TPCN2: variants seen among roughly 807,000 people sequenced by gnomAD.
TPCN2 encodes the protein two pore segment channel 2.
TPCN2 carries 92 observed loss-of-function variants against 111.4 expected under a neutral mutation model. That is an observed-to-expected ratio of 0.83 (90% CI 0.70 to 0.98). The LOEUF is 0.98. Among genes scored for constraint, TPCN2 ranks in the 50% least tolerant of loss-of-function variants. The pLI is 0.00. For synonymous variants in TPCN2, 405 were observed against 414.5 expected, an observed-to-expected ratio of 0.98 and a Z score of 0.28; for missense variants, 995 against 980.1, an observed-to-expected ratio of 1.02 and a Z score of -0.20.
Position 69,078,756 on chromosome 11 carries a change from A to T in TPCN2, c.1373A>T (p.Asp458Val), listed in dbSNP as rs746973156. ...SICVFLVLDA[D>V]VLPAERDDFI... ...CAGGTGTTCCTGGTGCTGGATGCAG[A>T]TGTGCTGCCTGCTGAGCGTGATGAC... is the stretch of plus-strand genomic sequence containing the variant. Residue 458 changes from aspartate to valine, a missense_variant, in exon 15 of 25, where the codon GAT becomes GTT. Physicochemically the swap from Asp to Val is radical, Grantham distance 152. Transcript: ENST00000294309. 34 of 1,613,844 alleles carry T rather than the reference A, an allele frequency of 2.1e-5. No individual in the cohort carries two copies. The Admixed American group carries it at 5.5e-4, about 26-fold the overall frequency.
Position 69,082,812 on chromosome 11 carries a change from G to T in TPCN2, c.1690-1133G>T, listed in dbSNP as rs113882624. ...ATGTGAACTCGTGCCCGTGTAAGAC[G>T]CATGATCGTGTGTGCACACATCACG... On this transcript the variant is annotated intron_variant, in intron 18 of 24. Coordinates refer to ENST00000294309, the MANE Select transcript of TPCN2 (RefSeq NM_139075.4). Among the ~76,000 whole-genome samples, 102 of 110,082 alleles carry T rather than the reference G, an allele frequency of 9.3e-4. 1 individual carries two copies. Among genetic ancestry groups the T allele is most frequent in the Non-Finnish European group, 1.1e-3 (51 of 47,344 alleles). 72.2% of individuals were successfully genotyped at this position (110,082 alleles called of 152,430 possible).
At chr11:69,087,289 G>GGCCTT in intron 24 of TPCN2, 83 bp downstream of exon 24, 1 of 1,235,122 alleles carries the variant, frequency 8.1e-7, no homozygotes, top group Non-Finnish European at 1.2e-6. Flanking sequence ...TGAGGCGGCG[G>GGCCTT]GCAGGCCCTG....
rs770566022 is a variant in TPCN2, at chr11:69,062,992, T to C, written c.653+2T>C. ...CTGGTCGCTGCCGGAAATGGCCAGG[T>C]GGGCTCTTGGTGCTCTGGGCTCGCA... On this transcript the variant is annotated splice_donor_variant, in intron 6 of 24. Coordinates refer to ENST00000294309, the MANE Select transcript of TPCN2 (RefSeq NM_139075.4). LOFTEE classifies it high-confidence loss of function. 4.3e-6 allele frequency: 7 copies of C among 1,613,412 alleles called. No homozygotes were observed. In the African/African-American group the frequency reaches 5.3e-5, roughly 12 times the overall value.
chr11:69,072,545 C>T lies in TPCN2; in HGVS notation c.1062-82C>T, dbSNP rs976617640. ...GCTTCATGGCAAAGCTCAAGCCAGA[C>T]GCCAGGGCAGGAGGACCCAGGCCAG... On this transcript the variant is annotated intron_variant, in intron 11 of 24. Transcript: ENST00000294309. 17 of 1,423,988 alleles carry T rather than the reference C, an allele frequency of 1.2e-5. No individual in the cohort carries two copies. The African/African-American group carries it at 1.3e-4, about 11-fold the overall frequency. The allele number at this position is 1,423,988 out of a possible 1,614,324, so 88.2% of individuals were successfully genotyped here. A position where few individuals can be genotyped will look rare whatever the true frequency, so the allele number is the denominator to read the frequency against.
Position 69,063,073 on chromosome 11 carries a change from C to A in TPCN2, c.653+83C>A, listed in dbSNP as rs563051941. 3.2e-6 allele frequency: 4 copies of A among 1,247,648 alleles called. No homozygotes were observed. In the East Asian group the frequency reaches 7.0e-5, roughly 22 times the overall value. The allele number at this position is 1,247,648 out of a possible 1,614,324, so 77.3% of individuals were successfully genotyped here. A position where few individuals can be genotyped will look rare whatever the true frequency, so the allele number is the denominator to read the frequency against. ...CCACGTGGTTGCGGGTGGGGCCCAC[C>A]GGAGTCTCATCTTGGACTGCGTGCT... On this transcript the variant is annotated intron_variant, in intron 6 of 24. Coordinates refer to ENST00000294309, the MANE Select transcript of TPCN2 (RefSeq NM_139075.4).
chr11:69,069,951 G>C lies in TPCN2; in HGVS notation c.830-479G>C, dbSNP rs114102866. ...CGAGCAGAGGCAAGAGATCGAATTT[G>C]GACAGGAAGGCCTTTCAGCCCTCCC... is the stretch of plus-strand genomic sequence containing the variant. On this transcript the variant is annotated intron_variant, in intron 8 of 24. Transcript: ENST00000294309. 9.2e-3 allele frequency among the ~76,000 whole-genome samples: 1,402 copies of C among 152,218 alleles called. 20 individuals are homozygous for C. Among genetic ancestry groups the C allele is most frequent in the African/African-American group, 0.032 (1,348 of 41,508 alleles).
chr11:69,049,060 C>G lies in TPCN2; in HGVS notation c.63C>G (p.Asp21Glu). ...LLGGARGGGG[D>E]WPAGLTTYRS... is the part of the protein sequence containing the mutation. ...GCGGGGCCCGCGGCGGTGGCGGCGA[C>G]TGGCCGGCGGGGCTGACCACTTACC... Residue 21 changes from aspartate (D) to glutamate (E), a missense_variant, in exon 1 of 25, where the codon GAC (aspartate) becomes GAG (glutamate). Asp to Glu is a conservative substitution (Grantham distance 45, BLOSUM62 2). Coordinates refer to ENST00000294309, the MANE Select transcript of TPCN2 (RefSeq NM_139075.4). The G allele has an allele frequency of 8.0e-7, 1 of 1,242,710 alleles. No individual in the cohort carries two copies. Among genetic ancestry groups the G allele is most frequent in the Non-Finnish European group, 1.0e-6 (1 of 988,622 alleles). 77.0% of individuals were successfully genotyped at this position (1,242,710 alleles called of 1,614,324 possible). A position where few individuals can be genotyped will look rare whatever the true frequency, so the allele number is the denominator to read the frequency against.
rs7115195 is a variant in TPCN2, at chr11:69,076,578, C to A, written c.1231-1904C>A. Among the ~76,000 whole-genome samples, 402 of 44,786 alleles carry A rather than the reference C, an allele frequency of 9.0e-3. 13 individuals carry two copies. Among genetic ancestry groups the A allele is most frequent in the African/African-American group, 0.021 (381 of 18,382 alleles). 29.4% of individuals were successfully genotyped at this position (44,786 alleles called of 152,430 possible). On this transcript the variant is annotated intron_variant, in intron 13 of 24. Transcript: ENST00000294309. ...CTGTCCCTCCACCTGCCCTCCTGCTCTGTCCCTCCACCTGCCCTCCTGCCG... is the reference window on the plus strand; with the variant it reads ...CTGTCCCTCCACCTGCCCTCCTGCTATGTCCCTCCACCTGCCCTCCTGCCG...
In TPCN2 at chr11:69,072,023, C is replaced by A; in HGVS notation, c.1061C>A (p.Ala354Glu). The A allele has an allele frequency of 1.2e-6, 2 of 1,611,940 alleles. No homozygotes were observed. Among genetic ancestry groups the A allele is most frequent in the South Asian group, 1.1e-5 (1 of 90,920 alleles). ...GGGGAGGGAGGAGCCTTCCCTCAGG[C>A]GTGAGTGCTGGGCATGGACCCTCTT... ...MVGEGGAFPQ[A>E]VGVKPQNLLQ... is the part of the protein sequence containing the mutation. The change falls in exon 11 of 25, where the codon GCA (alanine) becomes GAA (glutamate). Residue 354 changes from alanine to glutamate, a missense_variant and splice_region_variant. By Grantham distance (107) the Ala-to-Glu change is moderately radical. Transcript: ENST00000294309.
chr11:69,063,698 C>G (rs11228471), intron 6 of TPCN2, among the ~76,000 whole-genome samples, 197 bp from the exon 7 acceptor site: 72,332 of 151,922 alleles, frequency 0.48, 17,671 homozygotes, highest in Admixed American at 0.57. Flanking sequence ...TGCCAGGGCA[C>G]GACCAGGCCT....
chr11:69,069,394 G>C (rs1281741232), intron 8 of TPCN2, among the ~76,000 whole-genome samples: 4 of 37,204 alleles, frequency 1.1e-4, no homozygotes, highest in African/African-American at 2.9e-4. Context: ...AGTGACCGCA[G>C]TGGGAGCAGG....
chr11:69,075,967 C>T (rs908998179), intron 13 of TPCN2, among the ~76,000 whole-genome samples: 4 of 152,220 alleles, frequency 2.6e-5, no homozygotes, highest in Non-Finnish European at 4.4e-5. Flanking sequence ...AACACCTTCT[C>T]CTTGTAACAA....
intron 9 of TPCN2, among the ~76,000 whole-genome samples, chr11:69,071,119 C>T (rs1590731279): frequency 6.8e-6 from 1 of 147,310 alleles, no homozygotes; most frequent in Non-Finnish European, 1.5e-5. Flanking sequence ...CCACCAACAG[C>T]TTCACCCCAG....
chr11:69,055,105 G>A, intron 3 of TPCN2, 70 bp from the exon 4 acceptor site: 1 of 1,528,482 alleles, frequency 6.5e-7, no homozygotes, highest in Non-Finnish European at 8.9e-7. Context: ...GACTGGGGAA[G>A]CTCCTGACCA....
chr11:69,085,374 C>T (rs997463939), intron 20 of TPCN2, 88 bp downstream of exon 20: 4 of 1,317,610 alleles, frequency 3.0e-6, no homozygotes, highest in Non-Finnish European at 4.4e-6. Flanking sequence ...GTGGGCTCAG[C>T]ATCTCAGGAT....
intron 18 of TPCN2, among the ~76,000 whole-genome samples, chr11:69,081,792 C>T (rs1220935145): frequency 6.6e-6 from 1 of 152,094 alleles, no homozygotes. Context: ...GCCCTGGACA[C>T]CAGTGCTCCC....
intron 5 of TPCN2, among the ~76,000 whole-genome samples, chr11:69,061,612 G>A (rs538918613): frequency 1.5e-4 from 23 of 152,282 alleles, no homozygotes; most frequent in African/African-American, 5.5e-4. Flanking sequence ...GAGCACCAAG[G>A]TAGCTGTGTC....
intron 18 of TPCN2, among the ~76,000 whole-genome samples, chr11:69,083,633 G>C (rs1856139710): frequency 6.6e-6 from 1 of 152,358 alleles, no homozygotes; most frequent in South Asian, 2.1e-4. Flanking sequence ...TGAGGCTGGG[G>C]TGGAGGTGTT....
chr11:69,079,055 G>C, intron 16 of TPCN2, 35 bp downstream of exon 16: 1 of 1,577,356 alleles, frequency 6.3e-7, no homozygotes, highest in Non-Finnish European at 8.6e-7. Flanking sequence ...GCCTCTACTG[G>C]GCGGGTGGGT....
Sources: gnomAD v4.1 joint callset for allele counts (sites outside exome capture counted in the v4.1 genomes callset) on GRCh38, gnomAD v4.1.1 for gene constraint, MANE v1.5 for transcripts, NCBI Gene and HGNC (gene_info 2026-07-23, HGNC 2026-07-21) for gene names.